The following ANK2 variants were observed in gnomAD, a reference collection of about 807,000 sequenced individuals.
The protein encoded by ANK2 is ankyrin-2.
A neutral mutation model predicts 360.5 loss-of-function variants in ANK2; 83 were observed. That is an observed-to-expected ratio of 0.23 (90% confidence interval 0.19 to 0.28). ANK2 has a LOEUF of 0.28. Among genes scored for constraint, ANK2 ranks in the 10% least tolerant of loss-of-function variants. ANK2 has a pLI of 1.00. For synonymous variants in ANK2, 1,740 were observed against 1,759.5 expected, an observed-to-expected ratio of 0.99 and a Z score of 0.28; for missense variants, 4,201 against 4,795.7, an observed-to-expected ratio of 0.88 and a Z score of 3.66.
chr4:113,021,427 T>A (rs976208664), intron 2 of ANK2, among the ~76,000 whole-genome samples: 21 of 151,452 alleles, frequency 1.4e-4, no homozygotes, highest in Non-Finnish European at 2.4e-4. Context: ...CACTTTCCAC[T>A]CTTGTTTCAA....
chr4:112,918,562 T>C (rs2090596523), intron 2 of ANK2, among the ~76,000 whole-genome samples: 1 of 152,200 alleles, frequency 6.6e-6, no homozygotes. Flanking sequence ...ATTTGTTGTC[T>C]GAGTGAATAT....
chr4:113,109,896 T>C (rs1581848173), intron 1 of ANK2, among the ~76,000 whole-genome samples: 1 of 152,172 alleles, frequency 6.6e-6, no homozygotes, highest in Non-Finnish European at 1.5e-5. Context: ...AAAGACCATG[T>C]CACACAAAAA....
intron 1 of ANK2, among the ~76,000 whole-genome samples, chr4:112,829,372 C>T (rs189343816): frequency 6.6e-6 from 1 of 150,886 alleles, no homozygotes; most frequent in East Asian, 1.9e-4. Flanking sequence ...ATCGTATCCT[C>T]AGGCCTAGTG....
intron 22 of ANK2, among the ~76,000 whole-genome samples, chr4:113,294,611 A>G (rs1274600904): frequency 6.6e-6 from 1 of 152,228 alleles, no homozygotes; most frequent in Non-Finnish European, 1.5e-5. Flanking sequence ...GATGGAATAC[A>G]GTTGGTTTAA....
chr4:113,119,048 G>T (rs767006374), intron 1 of ANK2, among the ~76,000 whole-genome samples: 3 of 152,072 alleles, frequency 2.0e-5, no homozygotes, highest in Non-Finnish European at 2.9e-5. Flanking sequence ...AAAATAAAAG[G>T]TGCCAGTTGT....
At chr4:113,241,896 G>A (rs1322080426) in intron 8 of ANK2, among the ~76,000 whole-genome samples, 1 of 152,098 alleles carries the variant, frequency 6.6e-6, no homozygotes. Flanking sequence ...GACTAACTTA[G>A]TTATGCAGTT....
chr4:113,318,625 G>C lies in ANK2; in HGVS notation c.2900+5G>C, dbSNP rs768275410. ...TTCTAGTCCTATTCATTCAGGGTGA[G>C]TAAATCAATATTATGTATCCTGATC... On this transcript the variant is annotated splice_donor_5th_base_variant and intron_variant, in intron 26 of 45. Transcript: ENST00000357077. 6.3e-7 allele frequency: 1 copy of C among 1,598,234 alleles called. No homozygotes were observed. The highest frequency in any genetic ancestry group is 8.6e-7 in the Non-Finnish European group (1 of 1,167,396).
chr4:112,753,134 A>G, the ANK2 span, among the ~76,000 whole-genome samples: 1 of 152,236 alleles, frequency 6.6e-6, no homozygotes, highest in Non-Finnish European at 1.5e-5. Context: ...TTCAGAGAGC[A>G]CATTGGTGCC....
intron 12 of ANK2, 38 bp from the exon 13 acceptor site, chr4:113,258,275 G>C (rs1332945134): frequency 6.2e-7 from 1 of 1,603,680 alleles, no homozygotes; most frequent in Admixed American, 1.7e-5. Flanking sequence ...AGCCCCACCG[G>C]TGCAGAGGAG....
chr4:112,932,585 CT>C (rs1161405190), intron 2 of ANK2, among the ~76,000 whole-genome samples: 3 of 146,086 alleles, frequency 2.1e-5, no homozygotes, highest in African/African-American at 7.5e-5. Context: ...TTTTTTTTTC[CT>C]GTAAAGAGTA....
At chr4:113,261,011 A>C (rs1053593109) in intron 13 of ANK2, among the ~76,000 whole-genome samples, 1 of 152,166 alleles carries the variant, frequency 6.6e-6, no homozygotes, top group Non-Finnish European at 1.5e-5. Flanking sequence ...GATGCGCCCA[A>C]AGTGGAAGTC....
At chr4:112,915,304 C>T (rs1187829926) in intron 2 of ANK2, among the ~76,000 whole-genome samples, 1 of 152,084 alleles carries the variant, frequency 6.6e-6, no homozygotes, top group Admixed American at 6.6e-5. Flanking sequence ...TTGTGTACGT[C>T]AAACTTGATC....
Position 113,341,004 on chromosome 4 carries a change from A to C in ANK2, c.3894-684A>C, listed in dbSNP as rs76373385. Among the ~76,000 whole-genome samples the C allele has an allele frequency of 9.6e-3, 1,468 of 152,348 alleles. 26 individuals are homozygous for C. Among genetic ancestry groups the C allele is most frequent in the African/African-American group, 0.033 (1,384 of 41,578 alleles). On this transcript the variant is annotated intron_variant, in intron 32 of 45. Coordinates refer to ENST00000357077, the MANE Select transcript of ANK2 (RefSeq NM_001148.6). ...GGGATGAAGCTTAAAGAGTGTCATAAGATTTAGTAACGTTACCATAGTGAA... is the reference window on the plus strand; with the variant it reads ...GGGATGAAGCTTAAAGAGTGTCATACGATTTAGTAACGTTACCATAGTGAA...
intron 2 of ANK2, among the ~76,000 whole-genome samples, chr4:112,938,493 T>C (rs1259606829): frequency 6.6e-6 from 1 of 152,198 alleles, no homozygotes; most frequent in Non-Finnish European, 1.5e-5. Flanking sequence ...GCAATCTACT[T>C]TTATCTAATC....
chr4:113,375,842 G>A (rs1389726872), intron 45 of ANK2, among the ~76,000 whole-genome samples: 1 of 152,170 alleles, frequency 6.6e-6, no homozygotes, highest in Non-Finnish European at 1.5e-5. Flanking sequence ...TAATTTGGAA[G>A]TGAAACTTGA....
chr4:113,269,411 C>T (rs963936343), intron 14 of ANK2, among the ~76,000 whole-genome samples: 1 of 152,254 alleles, frequency 6.6e-6, no homozygotes, highest in East Asian at 1.9e-4. Context: ...GATGTAGGCA[C>T]CCGAGGGAAC....
Position 113,196,379 on chromosome 4 carries a change from C to G in ANK2, c.198C>G (p.Asn66Lys). ...DINTCNQNGLNALHLAAKEGH... is the reference protein window; with the variant it reads ...DINTCNQNGLKALHLAAKEGH... ...GTTTCTTCTCTCAGAATGGACTCAA[C>G]GCTCTCCATCTGGCTGCCAAGGAAG... is the stretch of plus-strand genomic sequence containing the variant. The change falls in exon 3 of 46, where the codon AAC becomes AAG. Residue 66 changes from asparagine to lysine, a missense_variant. By Grantham distance (94) the Asn-to-Lys change is moderately conservative. Coordinates refer to ENST00000357077, the MANE Select transcript of ANK2 (RefSeq NM_001148.6). The G allele has an allele frequency of 6.2e-7, 1 of 1,613,430 alleles. No homozygotes were observed. The highest frequency in any genetic ancestry group is 8.5e-7 in the Non-Finnish European group (1 of 1,179,792).
chr4:112,786,137 C>T, the ANK2 span, among the ~76,000 whole-genome samples: 51 of 151,716 alleles, frequency 3.4e-4, no homozygotes, highest in Admixed American at 3.3e-3. Context: ...CCACCACGCA[C>T]AGCCTATTTT....
intron 45 of ANK2, among the ~76,000 whole-genome samples, chr4:113,377,806 G>A (rs1371518431): frequency 6.6e-6 from 1 of 152,092 alleles, no homozygotes; most frequent in Non-Finnish European, 1.5e-5. Context: ...AATCTCCACT[G>A]TAGAAAGCAG....
Sources: gnomAD v4.1 joint callset for allele counts (sites outside exome capture counted in the v4.1 genomes callset) on GRCh38, gnomAD v4.1.1 for gene constraint, MANE v1.5 for transcripts, NCBI Gene and HGNC (gene_info 2026-07-23, HGNC 2026-07-21) for gene names.